Variants in SUN1 observed in about 807,000 individuals in gnomAD.
SUN1 encodes Sad1 and UNC84 domain containing 1.
A neutral mutation model predicts 103.2 loss-of-function variants in SUN1; 61 were observed. The observed-to-expected ratio is 0.59, with a 90% CI of 0.48 to 0.73. The LOEUF is 0.73. SUN1 is among the 30% of genes least tolerant of loss of function. The probability of loss-of-function intolerance (pLI) is 0.00; values close to 1 mark genes in which losing one functional copy is unlikely to be tolerated. For synonymous variants in SUN1, 490 were observed against 425.7 expected (o/e 1.15, Z -1.86); for missense variants, 1,052 against 1,034.6 (o/e 1.02, Z -0.23).
At chr7:864,963 C>G (rs1835289118) in intron 15 of SUN1, among the ~76,000 whole-genome samples, 1 of 151,890 alleles carries the variant, frequency 6.6e-6, no homozygotes, top group Admixed American at 6.6e-5. Context: ...TTAACCATCC[C>G]CACTTTCCCT....
At position 844,123 on chromosome 7, in the gene SUN1, G is replaced by A. The variant is rs185446402; in HGVS notation, c.658+603G>A. 9.2e-5 allele frequency among the ~76,000 whole-genome samples: 14 copies of A among 152,304 alleles called. No homozygotes were observed. In the East Asian group the frequency reaches 2.3e-3, roughly 25 times the overall value. On this transcript the variant is annotated intron_variant, in intron 5 of 18. Coordinates refer to ENST00000401592, the MANE Select transcript of SUN1 (RefSeq NM_001130965.3). ...GCAAGAGTGTGGGTGTCACCGCGGG[G>A]GGCCTCCTCCTGGGCCTGCAGGAGA...
chr7:856,500 T>A, intron 12 of SUN1, 99 bp downstream of exon 12: 1 of 1,390,074 alleles, frequency 7.2e-7, no homozygotes, highest in Non-Finnish European at 1.0e-6. Flanking sequence ...GGGGCCGGCC[T>A]CCCCCGAGGG....
intron 1 of SUN1, among the ~76,000 whole-genome samples, chr7:836,289 G>A (rs1046507170): frequency 6.6e-6 from 1 of 152,182 alleles, no homozygotes; most frequent in Admixed American, 6.6e-5. Context: ...GGCTTGGCTC[G>A]GGATTACTTT....
At chr7:865,466 T>A (rs557318909) in intron 15 of SUN1, among the ~76,000 whole-genome samples, 1 of 152,316 alleles carries the variant, frequency 6.6e-6, no homozygotes, top group East Asian at 1.9e-4. Context: ...TGTACGCCAT[T>A]TTCCTCATGC....
In SUN1 at chr7:869,364, G is replaced by A; in HGVS notation, c.1996G>A (p.Gly666Ser). Residue 666 changes from glycine (G) to serine (S), a missense_variant, in exon 17 of 19, where the codon GGT becomes AGT. Coordinates refer to ENST00000401592, the MANE Select transcript of SUN1 (RefSeq NM_001130965.3). ...CTTTCCCCAGCCTGACATTTACCCC[G>A]GTAACTGCTGGGCATTTAAAGGCTC... is the stretch of plus-strand genomic sequence containing the variant. ...RVVIQPDIYPGNCWAFKGSQG... is the reference protein window; with the variant it reads ...RVVIQPDIYPSNCWAFKGSQG... 6.2e-7 allele frequency: 1 copy of A among 1,613,568 alleles called. No individual in the cohort carries two copies. The highest frequency in any genetic ancestry group is 8.5e-7 in the Non-Finnish European group (1 of 1,179,694).
At chr7:819,662 A>G (rs1164442863) in intron 1 of SUN1, among the ~76,000 whole-genome samples, 2 of 146,772 alleles carry the variant, frequency 1.4e-5, no homozygotes, top group Admixed American at 1.4e-4. Context: ...TTATTTTTGG[A>G]CCCAGTTCTG....
At chr7:824,208 G>A (rs1789153687) in intron 1 of SUN1, among the ~76,000 whole-genome samples, 1 of 152,226 alleles carries the variant, frequency 6.6e-6, no homozygotes, top group Non-Finnish European at 1.5e-5. Context: ...CACAGGATGA[G>A]AAATACCCCT....
chr7:853,088 C>G, intron 9 of SUN1, 136 bp downstream of exon 9: 1 of 1,178,762 alleles, frequency 8.5e-7, no homozygotes, highest in Non-Finnish European at 1.2e-6. Context: ...ATAAGCAAGT[C>G]TTTGGAGCTC....
At chr7:844,720 G>C (rs1490050398) in intron 5 of SUN1, among the ~76,000 whole-genome samples, 2 of 152,354 alleles carry the variant, frequency 1.3e-5, no homozygotes, top group African/African-American at 4.8e-5. Context: ...GCACCGCTGA[G>C]CGGCCACTCT....
chr7:874,179 A>G lies in SUN1; in HGVS notation c.*848A>G, dbSNP rs1246266747. 3 of 152,374 alleles carry G rather than the reference A, an allele frequency of 2.0e-5. No homozygotes were observed. Among genetic ancestry groups the G allele is most frequent in the Admixed American group, 6.5e-5 (1 of 15,278 alleles). The allele number at this position is 152,374 out of a possible 1,614,324, so 9.4% of individuals were successfully genotyped here. On this transcript the variant is annotated 3_prime_UTR_variant, in exon 19 of 19. Transcript: ENST00000401592. ...GCAAGACGCCCTGAGCCTCCCTCTC[A>G]CTGGTGGTGATAAGAGGAGCCGTCT...
rs1806339485 is a variant in SUN1 at position 839,035 on chromosome 7, A to G, written c.266+49A>G. 6 of 1,463,156 alleles carry G rather than the reference A, an allele frequency of 4.1e-6. No homozygotes were observed. In the Admixed American group the frequency reaches 1.6e-4, roughly 39 times the overall value. 90.6% of individuals were successfully genotyped at this position (1,463,156 alleles called of 1,614,324 possible). On this transcript the variant is annotated intron_variant, in intron 2 of 18. Transcript: ENST00000401592. ...CCATCTGATCTCTAACACCAGTTAA[A>G]ACCAAGCTTCCATACTTTTTGGTCT...
intron 2 of SUN1, among the ~76,000 whole-genome samples, chr7:840,606 A>G (rs1403686130): frequency 6.7e-6 from 1 of 149,106 alleles, no homozygotes; most frequent in East Asian, 2.0e-4. Context: ...TGTGGTCAAT[A>G]TGAATGCAGA....
At chr7:857,033 C>T (rs1319864337) in intron 12 of SUN1, among the ~76,000 whole-genome samples, 13 of 152,208 alleles carry the variant, frequency 8.5e-5, no homozygotes, top group Non-Finnish European at 1.8e-4. Flanking sequence ...TTCTTCCACA[C>T]GACCACTGAT....
intron 1 of SUN1, among the ~76,000 whole-genome samples, chr7:821,687 A>C (rs901305388): frequency 9.2e-5 from 14 of 152,078 alleles, no homozygotes; most frequent in African/African-American, 3.4e-4. Context: ...TCAGCGTTCA[A>C]CCCTTGCCCT....
Position 874,853 on chromosome 7 carries a change from A to T in SUN1, c.*1522A>T, listed in dbSNP as rs968742566. 6.6e-6 allele frequency: 1 copy of T among 152,244 alleles called. No individual in the cohort carries two copies. The highest frequency in any genetic ancestry group is 2.4e-5 in the African/African-American group (1 of 41,462). The allele number at this position is 152,244 out of a possible 1,614,324, so 9.4% of individuals were successfully genotyped here. On this transcript the variant is annotated 3_prime_UTR_variant, in exon 19 of 19. Coordinates refer to ENST00000401592, the MANE Select transcript of SUN1 (RefSeq NM_001130965.3). ...TGCTTCTGCTGCTGCCACCAAATTG[A>T]TAAGATGCTATTAAGAGGTTTAAAT...
At position 857,945 on chromosome 7, in the gene SUN1, C is replaced by A. The variant is rs748209663; in HGVS notation, c.1512C>A (p.Ala504=). 1.9e-5 allele frequency: 30 copies of A among 1,571,726 alleles called. No individual in the cohort carries two copies. The highest frequency in any genetic ancestry group is 2.6e-5 in the Non-Finnish European group (30 of 1,151,588). ...AGACCGGCTGTGAGACAGTGGATGCCGTACAAGAAAGAGTGAGCTTTCTGC... is the reference window on the plus strand; with the variant it reads ...AGACCGGCTGTGAGACAGTGGATGCAGTACAAGAAAGAGTGAGCTTTCTGC... ...HVKTGCETVD[A]VQERVDVQVR... The change falls in exon 13 of 19, where the codon GCC becomes GCA. Residue 504 remains alanine (A), a synonymous_variant. Coordinates refer to ENST00000401592, the MANE Select transcript of SUN1 (RefSeq NM_001130965.3).
Position 817,500 on chromosome 7 carries a change from G to C in SUN1, c.-74+827G>C, listed in dbSNP as rs192103672. On this transcript the variant is annotated intron_variant, in intron 1 of 17. Coordinates refer to the SUN1 transcript ENST00000389574. The stretch of plus-strand genomic sequence containing the variant: ...GGCTCCCCAGGGCTCCCCAGGACAG[G>C]TGGGCGGTGCGGTCCGAGGTCTCTG... The C allele has an allele frequency of 8.5e-5, 131 of 1,536,106 alleles. No homozygotes were observed. The African/African-American group carries it at 1.1e-3, about 13-fold the overall frequency.
At chr7:856,148 C>T (rs373800032) in intron 11 of SUN1, among the ~76,000 whole-genome samples, 1 of 152,242 alleles carries the variant, frequency 6.6e-6, no homozygotes, top group African/African-American at 2.4e-5. Context: ...AGGCCGTTCT[C>T]ATGTGATTTG....
chr7:858,047 T>TTTTA lies in SUN1; in HGVS notation c.1524+106_1524+109dup, dbSNP rs577606332. The TTTTA allele has an allele frequency of 2.2e-3, 2,994 of 1,377,610 alleles. 15 individuals are homozygous for TTTTA. The highest frequency in any genetic ancestry group is 2.0e-3 in the Non-Finnish European group (2,072 of 1,043,444). The allele number at this position is 1,377,610 out of a possible 1,614,324, so 85.3% of individuals were successfully genotyped here. Reference sequence around the variant, plus strand: ...ACTTAGGTTTATTAGCTGTTTAATTTTTTATTTATTTATTTATTTTTGAAA... The same window carrying TTTTA: ...ACTTAGGTTTATTAGCTGTTTAATTTTTTATTTATTTATTTATTTATTTTTGAAA... On this transcript the variant is annotated intron_variant, in intron 13 of 18. Coordinates refer to ENST00000401592, the MANE Select transcript of SUN1 (RefSeq NM_001130965.3).
Sources: gnomAD v4.1 joint callset for allele counts (sites outside exome capture counted in the v4.1 genomes callset) on GRCh38, gnomAD v4.1.1 for gene constraint, MANE v1.5 for transcripts, NCBI Gene and HGNC (gene_info 2026-07-23, HGNC 2026-07-21) for gene names.